Variants in MPLKIP observed in about 807,000 individuals in gnomAD.
MPLKIP encodes M-phase-specific PLK1-interacting protein.
In MPLKIP, 16 loss-of-function variants were observed where a neutral mutation model predicts 16.9. The ratio of observed to expected loss-of-function variants is 0.94; its 90% CI spans 0.64 to 1.43. The LOEUF is 1.43. Among genes scored for constraint, MPLKIP ranks in the 40% most tolerant of loss-of-function variants. The pLI is 0.00. For missense variants in MPLKIP, 282 were observed against 237.6 expected, an observed-to-expected ratio of 1.19 and a Z score of -1.23; for synonymous variants, 126 against 98.4, an observed-to-expected ratio of 1.28 and a Z score of -1.66.
chr7:40,130,250 A>G lies in MPLKIP; in HGVS notation c.*2809T>C, dbSNP rs1328891196. On this transcript the variant is annotated 3_prime_UTR_variant, in exon 2 of 2. Coordinates refer to ENST00000306984, the MANE Select transcript of MPLKIP (RefSeq NM_138701.4). ...AGTTATTCAGCATTTTTATAGAGGT[A>G]AAATGTGTATCCTAGAACATTAAAA... is the stretch of plus-strand genomic sequence containing the variant. 1 of 152,238 alleles carries G rather than the reference A, an allele frequency of 6.6e-6. No individual in the cohort carries two copies. Among genetic ancestry groups the G allele is most frequent in the Non-Finnish European group, 1.5e-5 (1 of 68,038 alleles). 9.4% of individuals were successfully genotyped at this position (152,238 alleles called of 1,614,324 possible). A position where few individuals can be genotyped will look rare whatever the true frequency, so the allele number is the denominator to read the frequency against.
chr7:40,133,407 T>A, intron 1 of MPLKIP, 148 bp from the exon 2 acceptor site: 1 of 705,564 alleles, frequency 1.4e-6, no homozygotes, highest in Non-Finnish European at 2.4e-6. Flanking sequence ...ATGCTTCCTT[T>A]AATCAAGTGT....
rs1787462916 is a variant in MPLKIP, at chr7:40,131,563, C to T, written c.*1496G>A. 6.6e-6 allele frequency: 1 copy of T among 151,928 alleles called. No homozygotes were observed. The highest frequency in any genetic ancestry group is 1.5e-5 in the Non-Finnish European group (1 of 68,082). The allele number at this position is 151,928 out of a possible 1,614,324, so 9.4% of individuals were successfully genotyped here. On this transcript the variant is annotated 3_prime_UTR_variant, in exon 2 of 2. Transcript: ENST00000306984. ...AAATACTAAAAATACATGTTCTGGG[C>T]TGGGCACGGTGGCTCATGCCTGAAA... is the stretch of plus-strand genomic sequence containing the variant.
rs555794081 is a variant in MPLKIP, at chr7:40,126,276, G to A, written c.*6783C>T. The A allele has an allele frequency of 1.3e-5, 2 of 152,302 alleles. No individual in the cohort carries two copies. The highest frequency in any genetic ancestry group is 4.8e-5 in the African/African-American group (2 of 41,568). 9.4% of individuals were successfully genotyped at this position (152,302 alleles called of 1,614,324 possible). A position where few individuals can be genotyped will look rare whatever the true frequency, so the allele number is the denominator to read the frequency against. ...ATTTGACGTAAAGAATATCACATAA[G>A]TTTTGCTTTGGCTTTTGTTTGTACA... On this transcript the variant is annotated 3_prime_UTR_variant, in exon 2 of 2. Transcript: ENST00000306984.
At position 40,128,538 on chromosome 7, in the gene MPLKIP, T is replaced by C. The variant is rs996719464; in HGVS notation, c.*4521A>G. The C allele has an allele frequency of 6.6e-6, 1 of 152,244 alleles. No homozygotes were observed. The highest frequency in any genetic ancestry group is 1.5e-5 in the Non-Finnish European group (1 of 68,042). 9.4% of individuals were successfully genotyped at this position (152,244 alleles called of 1,614,324 possible). A position where few individuals can be genotyped will look rare whatever the true frequency, so the allele number is the denominator to read the frequency against. On this transcript the variant is annotated 3_prime_UTR_variant, in exon 2 of 2. Coordinates refer to ENST00000306984, the MANE Select transcript of MPLKIP (RefSeq NM_138701.4). ...ATGTCAGAAGTAAACATGAAACTTTTAACTTCCTCCTCCTTGATATCATGC... is the reference window on the plus strand; with the variant it reads ...ATGTCAGAAGTAAACATGAAACTTTCAACTTCCTCCTCCTTGATATCATGC...
intron 1 of MPLKIP, 107 bp downstream of exon 1, chr7:40,134,122 C>T: frequency 7.4e-7 from 1 of 1,350,734 alleles, no homozygotes; most frequent in Non-Finnish European, 1.0e-6. Flanking sequence ...ATTGGGCTAA[C>T]AATAGTACCT....
Position 40,132,892 on chromosome 7 carries a change from T to A in MPLKIP, c.*167A>T. On this transcript the variant is annotated 3_prime_UTR_variant, in exon 2 of 2. Coordinates refer to ENST00000306984, the MANE Select transcript of MPLKIP (RefSeq NM_138701.4). ...AGCTAAATGTTGCAAGTTATCCTAC[T>A]TTTTTCTCTAATATCAACAATACCT... 3.0e-6 allele frequency: 2 copies of A among 665,946 alleles called. No homozygotes were observed. The highest frequency in any genetic ancestry group is 3.6e-5 in the South Asian group (2 of 55,244). 41.3% of individuals were successfully genotyped at this position (665,946 alleles called of 1,614,324 possible).
rs915892885 is a variant in MPLKIP at position 40,131,570 on chromosome 7, C to G, written c.*1489G>C. On this transcript the variant is annotated 3_prime_UTR_variant, in exon 2 of 2. Transcript: ENST00000306984. ...AAAAATACATGTTCTGGGCTGGGCA[C>G]GGTGGCTCATGCCTGAAATCCCAGC... 1 of 152,104 alleles carries G rather than the reference C, an allele frequency of 6.6e-6. No individual in the cohort carries two copies. Among genetic ancestry groups the G allele is most frequent in the African/African-American group, 2.4e-5 (1 of 41,388 alleles). 9.4% of individuals were successfully genotyped at this position (152,104 alleles called of 1,614,324 possible).
In MPLKIP at chr7:40,132,703, G is replaced by T; in HGVS notation, c.*356C>A. On this transcript the variant is annotated 3_prime_UTR_variant, in exon 2 of 2. Coordinates refer to ENST00000306984, the MANE Select transcript of MPLKIP (RefSeq NM_138701.4). ...TAAGTGACTACAAAGCATTACTGTA[G>T]TAAGTCTACTTCTTTATCATACCAC... 1.8e-5 allele frequency: 6 copies of T among 326,300 alleles called. No individual in the cohort carries two copies. Among genetic ancestry groups the T allele is most frequent in the South Asian group, 1.6e-4 (6 of 37,750 alleles). The allele number at this position is 326,300 out of a possible 1,614,324, so 20.2% of individuals were successfully genotyped here. A position where few individuals can be genotyped will look rare whatever the true frequency, so the allele number is the denominator to read the frequency against.
In MPLKIP at chr7:40,126,196, G is replaced by A. The variant is rs1787387764; in HGVS notation, c.*6863C>T. 1 of 152,056 alleles carries A rather than the reference G, an allele frequency of 6.6e-6. No homozygotes were observed. The highest frequency in any genetic ancestry group is 2.1e-4 in the South Asian group (1 of 4,828). The allele number at this position is 152,056 out of a possible 1,614,324, so 9.4% of individuals were successfully genotyped here. ...TTACCTTCATTTGTATTTACACTATGACCTTATATTTACCATTTATAGAGA... is the reference window on the plus strand; with the variant it reads ...TTACCTTCATTTGTATTTACACTATAACCTTATATTTACCATTTATAGAGA... On this transcript the variant is annotated 3_prime_UTR_variant, in exon 2 of 2. Coordinates refer to ENST00000306984, the MANE Select transcript of MPLKIP (RefSeq NM_138701.4).
chr7:40,133,422 A>T (rs1395865688), intron 1 of MPLKIP, among the ~76,000 whole-genome samples, 163 bp from the exon 2 acceptor site: 1 of 152,160 alleles, frequency 6.6e-6, no homozygotes, highest in Non-Finnish European at 1.5e-5. Flanking sequence ...AAGTGTTCCT[A>T]TTTTTTAAAA....
At position 40,126,040 on chromosome 7, in the gene MPLKIP, G is replaced by A. The variant is rs987398556; in HGVS notation, c.*7019C>T. The A allele has an allele frequency of 6.6e-6, 1 of 152,144 alleles. No homozygotes were observed. Among genetic ancestry groups the A allele is most frequent in the African/African-American group, 2.4e-5 (1 of 41,418 alleles). 9.4% of individuals were successfully genotyped at this position (152,144 alleles called of 1,614,324 possible). A position where few individuals can be genotyped will look rare whatever the true frequency, so the allele number is the denominator to read the frequency against. On this transcript the variant is annotated 3_prime_UTR_variant, in exon 2 of 2. Coordinates refer to ENST00000306984, the MANE Select transcript of MPLKIP (RefSeq NM_138701.4). ...AGTAAATATACGTGTATTCCATGGTGAGGTTTAATAAATTTTAACATTTTC... is the reference window on the plus strand; with the variant it reads ...AGTAAATATACGTGTATTCCATGGTAAGGTTTAATAAATTTTAACATTTTC...
chr7:40,134,525 C>T lies in MPLKIP; in HGVS notation c.43G>A (p.Gly15Ser). 3 of 1,595,372 alleles carry T rather than the reference C, an allele frequency of 1.9e-6. No individual in the cohort carries two copies. Among genetic ancestry groups the T allele is most frequent in the Non-Finnish European group, 2.6e-6 (3 of 1,172,580 alleles). The change falls in exon 1 of 2, where the codon GGT (glycine) becomes AGT (serine). Residue 15 changes from glycine (G) to serine (S), a missense_variant. Transcript: ENST00000306984. ...CTACCCCAACCTCCTCCACCCGGAC[C>T]AGGGTAAGGAGGAGTTGGGGGCCGA... ...NFRPPTPPYPGPGGGGWGSGS... is the reference protein window; with the variant it reads ...NFRPPTPPYPSPGGGGWGSGS...
rs1208723201 is a variant in MPLKIP, at chr7:40,126,837, C to G, written c.*6222G>C. ...TTTTTTTTATTTTGAGACAGAGTCT[C>G]GCTCTGTCGCCCAGGCTGGAGTGCA... On this transcript the variant is annotated 3_prime_UTR_variant, in exon 2 of 2. Transcript: ENST00000306984. 6.7e-6 allele frequency: 1 copy of G among 150,282 alleles called. No individual in the cohort carries two copies. The highest frequency in any genetic ancestry group is 1.5e-5 in the Non-Finnish European group (1 of 67,716). The allele number at this position is 150,282 out of a possible 1,614,324, so 9.3% of individuals were successfully genotyped here. A position where few individuals can be genotyped will look rare whatever the true frequency, so the allele number is the denominator to read the frequency against.
chr7:40,132,985 T>A lies in MPLKIP; in HGVS notation c.*74A>T, dbSNP rs1490941137. On this transcript the variant is annotated 3_prime_UTR_variant, in exon 2 of 2. Coordinates refer to ENST00000306984, the MANE Select transcript of MPLKIP (RefSeq NM_138701.4). ...TCAAAGTCATCATCTTTGGGTAAAT[T>A]TATATCAACACAACTTAAAGTTTTG... 1.1e-5 allele frequency: 15 copies of A among 1,334,104 alleles called. No homozygotes were observed. Among genetic ancestry groups the A allele is most frequent in the Non-Finnish European group, 1.6e-5 (15 of 939,242 alleles). The allele number at this position is 1,334,104 out of a possible 1,614,324, so 82.6% of individuals were successfully genotyped here.
rs1787431139 is a variant in MPLKIP at position 40,129,305 on chromosome 7, G to T, written c.*3754C>A. 6.6e-6 allele frequency: 1 copy of T among 150,468 alleles called. No homozygotes were observed. Among genetic ancestry groups the T allele is most frequent in the Admixed American group, 6.6e-5 (1 of 15,044 alleles). The allele number at this position is 150,468 out of a possible 1,614,324, so 9.3% of individuals were successfully genotyped here. On this transcript the variant is annotated 3_prime_UTR_variant, in exon 2 of 2. Transcript: ENST00000306984. ...GGAGTATCACTCTGTCACCCAGGCT[G>T]GAGTGCAGTGGCACTATCTCGGCTC...
rs200318770 is a variant in MPLKIP at position 40,133,082 on chromosome 7, T to C, written c.517A>G (p.Lys173Glu). The C allele has an allele frequency of 4.3e-6, 7 of 1,613,900 alleles. No individual in the cohort carries two copies. Among genetic ancestry groups the C allele is most frequent in the African/African-American group, 2.7e-5 (2 of 74,932 alleles). The change falls in exon 2 of 2, where the codon AAA becomes GAA. Residue 173 changes from lysine (K) to glutamate (E), a missense_variant. By Grantham distance (56) the Lys-to-Glu change is moderately conservative. Transcript: ENST00000306984. ...QYSNTQTFTG[K>E]KGRYFC is the part of the protein sequence containing the mutation. Reference sequence around the variant, plus strand: ...TGTTAACAAAAGTATCTTCCTTTTTTGCCTGTGAATGTTTGAGTATTGCTG... The same window carrying C: ...TGTTAACAAAAGTATCTTCCTTTTTCGCCTGTGAATGTTTGAGTATTGCTG...
At position 40,128,200 on chromosome 7, in the gene MPLKIP, CAATT is replaced by C. The variant is rs761312840; in HGVS notation, c.*4855_*4858del. 1 of 151,950 alleles carries C rather than the reference CAATT, an allele frequency of 6.6e-6. No homozygotes were observed. The highest frequency in any genetic ancestry group is 1.5e-5 in the Non-Finnish European group (1 of 68,006). The allele number at this position is 151,950 out of a possible 1,614,324, so 9.4% of individuals were successfully genotyped here. ...TTCGATCTGTAACTGACTGAACAATCAATTAAGATAACTCACTACCTTCCAACCA... is the reference window on the plus strand; with the variant it reads ...TTCGATCTGTAACTGACTGAACAATCAAGATAACTCACTACCTTCCAACCA... On this transcript the variant is annotated 3_prime_UTR_variant, in exon 2 of 2. Coordinates refer to ENST00000306984, the MANE Select transcript of MPLKIP (RefSeq NM_138701.4).
Position 40,129,464 on chromosome 7 carries a change from C to A in MPLKIP, c.*3595G>T, listed in dbSNP as rs1457592129. The A allele has an allele frequency of 6.6e-6, 1 of 152,084 alleles. No homozygotes were observed. The highest frequency in any genetic ancestry group is 1.5e-5 in the Non-Finnish European group (1 of 68,050). The allele number at this position is 152,084 out of a possible 1,614,324, so 9.4% of individuals were successfully genotyped here. ...TGGAGACGAGGCTTTACCATATTGG[C>A]CAGGCTGGTCTCAAACTCCGAACCT... is the stretch of plus-strand genomic sequence containing the variant. On this transcript the variant is annotated 3_prime_UTR_variant, in exon 2 of 2. Transcript: ENST00000306984.
rs1377986335 is a variant in MPLKIP, at chr7:40,129,127, T to C, written c.*3932A>G. ...CTCTTTGCTTTCCTTTCACACAATGTACCCACAAAGGAAATGATTTTTTGA... is the reference window on the plus strand; with the variant it reads ...CTCTTTGCTTTCCTTTCACACAATGCACCCACAAAGGAAATGATTTTTTGA... On this transcript the variant is annotated 3_prime_UTR_variant, in exon 2 of 2. Coordinates refer to ENST00000306984, the MANE Select transcript of MPLKIP (RefSeq NM_138701.4). 3 of 152,070 alleles carry C rather than the reference T, an allele frequency of 2.0e-5. No individual in the cohort carries two copies. The highest frequency in any genetic ancestry group is 7.2e-5 in the African/African-American group (3 of 41,416). The allele number at this position is 152,070 out of a possible 1,614,324, so 9.4% of individuals were successfully genotyped here.
Sources: gnomAD v4.1 joint callset for allele counts (sites outside exome capture counted in the v4.1 genomes callset) on GRCh38, gnomAD v4.1.1 for gene constraint, MANE v1.5 for transcripts, NCBI Gene and HGNC (gene_info 2026-07-23, HGNC 2026-07-21) for gene names.